The following RGS6 variants were observed in gnomAD, a reference collection of about 807,000 sequenced individuals.
RGS6 encodes regulator of G-protein signaling 6.
A neutral mutation model predicts 78.5 loss-of-function variants in RGS6; 30 were observed. That is an observed-to-expected ratio of 0.38 (90% CI 0.29 to 0.52). The LOEUF is 0.52. RGS6 is among the 20% of genes least tolerant of loss of function. The probability of loss-of-function intolerance (pLI) is 0.85; values close to 1 mark genes in which losing one functional copy is unlikely to be tolerated. For missense variants in RGS6, 495 were observed against 609.7 expected (o/e 0.81, Z 1.98); for synonymous variants, 206 against 206.0 (o/e 1.00, Z 0.00).
chr14:72,083,739 T>A (rs2094917020), intron 2 of RGS6, among the ~76,000 whole-genome samples: 1 of 152,212 alleles, frequency 6.6e-6, no homozygotes, highest in Non-Finnish European at 1.5e-5. Flanking sequence ...TAAAGATAAT[T>A]CTAATGAATT....
At chr14:72,109,917 A>G (rs915306915) in intron 2 of RGS6, among the ~76,000 whole-genome samples, 2 of 152,330 alleles carry the variant, frequency 1.3e-5, no homozygotes, top group South Asian at 4.1e-4. Context: ...ACAAGCCTGG[A>G]TATCTGTAAC....
At chr14:72,557,573 A>C (rs916011900) in intron 17 of RGS6, among the ~76,000 whole-genome samples, 2 of 151,896 alleles carry the variant, frequency 1.3e-5, no homozygotes, top group African/African-American at 2.4e-5. Context: ...ACCCCACCCC[A>C]GGCCTCTAAT....
chr14:72,397,484 G>A (rs1277656122), intron 3 of RGS6, among the ~76,000 whole-genome samples: 1 of 151,882 alleles, frequency 6.6e-6, no homozygotes, highest in Non-Finnish European at 1.5e-5. Flanking sequence ...ATACAATCAT[G>A]TCATCTGCAA....
At chr14:72,315,143 A>G (rs553865665) in intron 2 of RGS6, among the ~76,000 whole-genome samples, 3 of 11,382 alleles carry the variant, frequency 2.6e-4, no homozygotes, top group African/African-American at 1.2e-3. Flanking sequence ...TTTAAAACAT[A>G]TGTAAATATC....
At chr14:72,568,561 T>C (rs1312748781), downstream of RGS6, among the ~76,000 whole-genome samples, 1 of 152,174 alleles carries the variant, frequency 6.6e-6, no homozygotes, top group Non-Finnish European at 1.5e-5. Flanking sequence ...GAGGACCTGG[T>C]TCCCTGTGTG....
chr14:72,154,268 C>T (rs1344401061), intron 2 of RGS6, among the ~76,000 whole-genome samples: 1 of 152,102 alleles, frequency 6.6e-6, no homozygotes, highest in African/African-American at 2.4e-5. Flanking sequence ...TCAAGGTACA[C>T]TGATTTCATA....
intron 2 of RGS6, among the ~76,000 whole-genome samples, chr14:72,265,540 C>T (rs373883933): frequency 1.3e-5 from 2 of 152,106 alleles, no homozygotes; most frequent in East Asian, 1.9e-4. Flanking sequence ...TTAGTAGTGA[C>T]GTTGCTAGAG....
At chr14:72,086,186 T>A (rs1447759782) in intron 2 of RGS6, among the ~76,000 whole-genome samples, 2 of 152,252 alleles carry the variant, frequency 1.3e-5, no homozygotes, top group Admixed American at 1.3e-4. Context: ...CTGACCAGTT[T>A]CTGCCTCCCT....
chr14:72,446,431 A>G (rs2095364630), intron 3 of RGS6, among the ~76,000 whole-genome samples: 1 of 152,196 alleles, frequency 6.6e-6, no homozygotes, highest in African/African-American at 2.4e-5. Flanking sequence ...TTGAAAGCCA[A>G]AGGACCTTGA....
chr14:72,495,280 G>T lies in RGS6; in HGVS notation c.965+18G>T, dbSNP rs1189769545. 1.4e-6 allele frequency: 2 copies of T among 1,471,012 alleles called. No individual in the cohort carries two copies. Among genetic ancestry groups the T allele is most frequent in the African/African-American group, 1.4e-5 (1 of 72,102 alleles). 91.1% of individuals were successfully genotyped at this position (1,471,012 alleles called of 1,614,324 possible). On this transcript the variant is annotated intron_variant, in intron 13 of 17. Transcript: ENST00000553525. ...GAGATGAGGTAAAAAATGTTTTAAG[G>T]TTTGGGAGTGGGATGAATGTAGACA... is the stretch of plus-strand genomic sequence containing the variant.
At chr14:72,081,858 T>G (rs74805055) in intron 2 of RGS6, among the ~76,000 whole-genome samples, 5,105 of 152,168 alleles carry the variant, frequency 0.034, 129 homozygotes, top group African/African-American at 0.069. Context: ...TCTCGTAATT[T>G]TTTACTTTTT....
downstream of RGS6, among the ~76,000 whole-genome samples, chr14:72,568,171 G>A (rs1204348048): frequency 2.0e-5 from 3 of 152,186 alleles, no homozygotes; most frequent in African/African-American, 4.8e-5. Flanking sequence ...CAGACAAAAC[G>A]AAGTAACAGC....
chr14:72,249,069 A>G (rs2054966295), intron 2 of RGS6, among the ~76,000 whole-genome samples: 1 of 152,240 alleles, frequency 6.6e-6, no homozygotes, highest in Non-Finnish European at 1.5e-5. Flanking sequence ...AACAAAAGGT[A>G]GATTAACAAG....
chr14:72,196,767 T>C (rs1220108682), intron 2 of RGS6, among the ~76,000 whole-genome samples: 1 of 152,248 alleles, frequency 6.6e-6, no homozygotes, highest in African/African-American at 2.4e-5. Context: ...TTATGATTTG[T>C]ATTCTGCTTC....
Position 72,285,776 on chromosome 14 carries a change from A to G in RGS6, c.85-66319A>G, listed in dbSNP as rs118075803. 5.1e-3 allele frequency among the ~76,000 whole-genome samples: 783 copies of G among 152,344 alleles called. 5 individuals are homozygous for G. The highest frequency in any genetic ancestry group is 8.6e-3 in the Non-Finnish European group (588 of 68,026). On this transcript the variant is annotated intron_variant, in intron 2 of 17. Coordinates refer to ENST00000553525, the MANE Select transcript of RGS6 (RefSeq NM_001204424.2). ...TCTCTCATGATTGGCAATGTTGACCAACTTTTCATATACTTGTTGGCCATT... is the reference window on the plus strand; with the variant it reads ...TCTCTCATGATTGGCAATGTTGACCGACTTTTCATATACTTGTTGGCCATT...
chr14:72,073,049 G>A (rs1040140725), intron 2 of RGS6, among the ~76,000 whole-genome samples: 8 of 152,142 alleles, frequency 5.3e-5, no homozygotes, highest in Admixed American at 2.6e-4. Context: ...GATTATGTGC[G>A]TGCCACATTC....
chr14:72,552,951 A>G (rs1007430845), intron 17 of RGS6, among the ~76,000 whole-genome samples: 7 of 152,228 alleles, frequency 4.6e-5, no homozygotes, highest in Non-Finnish European at 1.0e-4. Context: ...AGAAAACTCT[A>G]CAGCCAAACA....
intron 3 of RGS6, among the ~76,000 whole-genome samples, chr14:72,422,939 A>G (rs1411267294): frequency 6.6e-6 from 1 of 152,224 alleles, no homozygotes; most frequent in Non-Finnish European, 1.5e-5. Flanking sequence ...TGTAGAAAGA[A>G]CCAACTCTGC....
At chr14:72,390,543 A>G (rs2089683517) in intron 3 of RGS6, among the ~76,000 whole-genome samples, 1 of 152,142 alleles carries the variant, frequency 6.6e-6, no homozygotes, top group African/African-American at 2.4e-5. Context: ...TTTAATTGTA[A>G]ATTTTAATTC....
Sources: gnomAD v4.1 joint callset for allele counts (sites outside exome capture counted in the v4.1 genomes callset) on GRCh38, gnomAD v4.1.1 for gene constraint, MANE v1.5 for transcripts, NCBI Gene and HGNC (gene_info 2026-07-23, HGNC 2026-07-21) for gene names.